The following CYP4F12 variants were observed in gnomAD, a reference collection of about 807,000 sequenced individuals.
The protein encoded by CYP4F12 is cytochrome P450 family 4 subfamily F member 12, also known as cytochrome P450 4F12.
CYP4F12 carries 60 observed loss-of-function variants against 56.5 expected under a neutral mutation model. The ratio of observed to expected loss-of-function variants is 1.06; its 90% CI spans 0.86 to 1.32. CYP4F12 has a LOEUF of 1.32. CYP4F12 is among the 40% of genes most tolerant of loss of function. The pLI is 0.00. For synonymous variants in CYP4F12, 263 were observed against 264.9 expected, an observed-to-expected ratio of 0.99 and a Z score of 0.07; for missense variants, 711 against 683.5, an observed-to-expected ratio of 1.04 and a Z score of -0.45.
At chr19:15,693,536 G>GTTGT (rs57298475) in intron 9 of CYP4F12, among the ~76,000 whole-genome samples, 138,090 of 147,276 alleles carry the variant, frequency 0.94, 64,854 homozygotes, top group East Asian at 1. Flanking sequence ...TTTTGATGGA[G>GTTGT]TTGTTTTTTT....
At chr19:15,690,655 T>C (rs1399649181) in intron 9 of CYP4F12, among the ~76,000 whole-genome samples, 1 of 152,190 alleles carries the variant, frequency 6.6e-6, no homozygotes, top group Non-Finnish European at 1.5e-5. Context: ...ATGAAAGAAT[T>C]TTCTTCTGTT....
At chr19:15,692,868 G>A (rs2007935703) in intron 9 of CYP4F12, among the ~76,000 whole-genome samples, 2 of 151,932 alleles carry the variant, frequency 1.3e-5, no homozygotes, top group Admixed American at 1.3e-4. Context: ...GAGATCAGGA[G>A]TTCAAGACCA....
Position 15,678,293 on chromosome 19 carries a change from G to A in CYP4F12, c.231G>A (p.Ser77=), listed in dbSNP as rs372064722. ...CTACAGAGGAGGGCTTGAAGAACTC[G>A]ACCCAGATGTCGGCCACCTATTCCC... ...ITPTEEGLKN[S]TQMSATYSQG... Residue 77 remains serine, a synonymous_variant, in exon 3 of 13, where the codon TCG becomes TCA. Coordinates refer to ENST00000550308, the MANE Select transcript of CYP4F12 (RefSeq NM_023944.4). The A allele has an allele frequency of 1.7e-4, 274 of 1,614,048 alleles. 1 individual carries two copies. Among genetic ancestry groups the A allele is most frequent in the African/African-American group, 1.5e-4 (11 of 74,928 alleles).
chr19:15,674,812 T>C (rs10410157), intron 2 of CYP4F12, among the ~76,000 whole-genome samples: 141,025 of 152,098 alleles, frequency 0.93, 65,440 homozygotes, highest in East Asian at 1. Context: ...TGGATCCTTT[T>C]CCTGCCTGTC....
At chr19:15,683,096 G>A (rs957542729) in intron 6 of CYP4F12, among the ~76,000 whole-genome samples, 1 of 151,982 alleles carries the variant, frequency 6.6e-6, no homozygotes, top group Non-Finnish European at 1.5e-5. Flanking sequence ...GAGAGACAGA[G>A]AGAGAGAGAG....
Position 15,695,947 on chromosome 19 carries a change from C to T in CYP4F12, c.1127C>T (p.Ala376Val). 6.2e-7 allele frequency: 1 copy of T among 1,613,052 alleles called. No homozygotes were observed. The highest frequency in any genetic ancestry group is 8.5e-7 in the Non-Finnish European group (1 of 1,179,654). The change falls in exon 10 of 13, where the codon GCC (alanine) becomes GTC (valine). Residue 376 changes from alanine to valine, a missense_variant. Coordinates refer to ENST00000550308, the MANE Select transcript of CYP4F12 (RefSeq NM_023944.4). ...DPKEIEWDDL[A>V]QLPFLTMCVK... ...GGGTGTTTCCTTAGGGACGACCTGG[C>T]CCAGCTGCCCTTCCTGACCATGTGC...
chr19:15,681,533 A>T (rs1343750586), intron 5 of CYP4F12: 3 of 152,200 alleles, frequency 2.0e-5, no homozygotes, highest in African/African-American at 7.2e-5. Flanking sequence ...CCTAAATTCC[A>T]TGGGGGTGAC....
Position 15,677,572 on chromosome 19 carries a change from C to A in CYP4F12, c.199-689C>A, listed in dbSNP as rs1225736777. On this transcript the variant is annotated intron_variant, in intron 2 of 12. Coordinates refer to ENST00000550308, the MANE Select transcript of CYP4F12 (RefSeq NM_023944.4). ...CCTCTCCTCACTCACTCGTTCCTCT[C>A]CTCACTCGCTCATTCCTCTCCTCAC... 4.2e-4 allele frequency among the ~76,000 whole-genome samples: 7 copies of A among 16,846 alleles called. 3 individuals carry two copies. The highest frequency in any genetic ancestry group is 8.9e-4 in the Non-Finnish European group (7 of 7,898). 11.1% of individuals were successfully genotyped at this position (16,846 alleles called of 152,430 possible).
At chr19:15,690,108 GAAGTA>G (rs1244847322) in intron 9 of CYP4F12, among the ~76,000 whole-genome samples, 1 of 152,150 alleles carries the variant, frequency 6.6e-6, no homozygotes, top group Non-Finnish European at 1.5e-5. Flanking sequence ...GAAATAAAAG[GAAGTA>G]AAGAAGAGAC....
intron 3 of CYP4F12, among the ~76,000 whole-genome samples, chr19:15,679,476 AGCC>A (rs56085710): frequency 0.9 from 137,557 of 152,018 alleles, 62,191 homozygotes; most frequent in East Asian, 1. Context: ...TCCCATAAAT[AGCC>A]GCCTATAGTT....
At chr19:15,684,909 T>C in intron 8 of CYP4F12, 27 bp downstream of exon 8, 1 of 1,585,870 alleles carries the variant, frequency 6.3e-7, no homozygotes, top group Non-Finnish European at 8.6e-7. Flanking sequence ...GGGACTACAG[T>C]GGAGACAGAG....
intron 5 of CYP4F12, chr19:15,682,150 T>TAG (rs893543386): frequency 2.7e-5 from 11 of 400,734 alleles, no homozygotes; most frequent in African/African-American, 2.2e-4. Context: ...CAAGGGCACA[T>TAG]AGAGCATAGG....
chr19:15,677,597 C>T (rs1221063555), intron 2 of CYP4F12, among the ~76,000 whole-genome samples: 2 of 64,382 alleles, frequency 3.1e-5, no homozygotes, highest in South Asian at 8.1e-4. Context: ...CCTCTCCTCA[C>T]TCACTCGTTC....
chr19:15,680,378 G>A lies in CYP4F12; in HGVS notation c.398-14G>A, dbSNP rs187651397. On this transcript the variant is annotated splice_polypyrimidine_tract_variant and intron_variant, in intron 4 of 12. Coordinates refer to ENST00000550308, the MANE Select transcript of CYP4F12 (RefSeq NM_023944.4). ...AGTGCTGCTCTTGCCCACTGTCCTTGGCTGCCCTACTAGGAGAAGGGATAC... is the reference window on the plus strand; with the variant it reads ...AGTGCTGCTCTTGCCCACTGTCCTTAGCTGCCCTACTAGGAGAAGGGATAC... 3,943 of 1,613,072 alleles carry A rather than the reference G, an allele frequency of 2.4e-3. No individual in the cohort carries two copies. The African/African-American group carries it at 0.047, about 19-fold the overall frequency.
In CYP4F12 at chr19:15,673,632, C is replaced by A; in HGVS notation, c.103C>A (p.Leu35Met). The change falls in exon 2 of 13, where the codon CTG becomes ATG. Residue 35 changes from leucine (L) to methionine (M), a missense_variant. By Grantham distance (15) the Leu-to-Met change is conservative. Transcript: ENST00000550308. ...GGGCTCCTGGCTACTCGCCCGCATCCTGGCTTGGACCTATGCCTTCTATAA... is the reference window on the plus strand; with the variant it reads ...GGGCTCCTGGCTACTCGCCCGCATCATGGCTTGGACCTATGCCTTCTATAA... ...VVGSWLLARI[L>M]AWTYAFYNNC... 6.2e-7 allele frequency: 1 copy of A among 1,614,204 alleles called. No homozygotes were observed. Among genetic ancestry groups the A allele is most frequent in the African/African-American group, 1.3e-5 (1 of 75,060 alleles).
intron 2 of CYP4F12, among the ~76,000 whole-genome samples, chr19:15,676,110 TC>T (rs2006906774): frequency 6.6e-6 from 1 of 152,124 alleles, no homozygotes; most frequent in Non-Finnish European, 1.5e-5. Flanking sequence ...AGCAAGTTCT[TC>T]CTTTCCTCTG....
intron 3 of CYP4F12, 57 bp from the exon 4 acceptor site, chr19:15,680,186 TA>T: frequency 6.5e-7 from 1 of 1,549,770 alleles, no homozygotes; most frequent in South Asian, 1.3e-5. Context: ...CCTTGCCCTA[TA>T]CCTGAAGTTC....
Position 15,683,649 on chromosome 19 carries a change from C to A in CYP4F12, c.804C>A (p.Asp268Glu), listed in dbSNP as rs375796705. The change falls in exon 7 of 13, where the codon GAC (aspartate) becomes GAA (glutamate). Residue 268 changes from aspartate (D) to glutamate (E), a missense_variant. By Grantham distance (45) the Asp-to-Glu change is conservative (BLOSUM62 2). Coordinates refer to ENST00000550308, the MANE Select transcript of CYP4F12 (RefSeq NM_023944.4). ...GCCGCCTGGTGCATGACTTCACAGA[C>A]GCTGTCATCCGGGAGCGGCGTCGCA... is the stretch of plus-strand genomic sequence containing the variant. Reference protein sequence around the residue: ...RACRLVHDFTDAVIRERRRTL... With the variant: ...RACRLVHDFTEAVIRERRRTL... The A allele has an allele frequency of 6.2e-7, 1 of 1,613,874 alleles. No individual in the cohort carries two copies.
In CYP4F12 at chr19:15,685,209, T is replaced by A. The variant is rs1286582024; in HGVS notation, c.1115+12T>A. The A allele has an allele frequency of 6.2e-7, 1 of 1,613,142 alleles. No homozygotes were observed. Among genetic ancestry groups the A allele is most frequent in the Non-Finnish European group, 8.5e-7 (1 of 1,179,426 alleles). ...AAAGAGATTGAATGGTGAGTGCAAG[T>A]TCTTCTGGCCTGTTCCTGAGCCCAT... On this transcript the variant is annotated intron_variant, in intron 9 of 12. Coordinates refer to ENST00000550308, the MANE Select transcript of CYP4F12 (RefSeq NM_023944.4).
Sources: gnomAD v4.1 joint callset for allele counts (sites outside exome capture counted in the v4.1 genomes callset) on GRCh38, gnomAD v4.1.1 for gene constraint, MANE v1.5 for transcripts, NCBI Gene and HGNC (gene_info 2026-07-23, HGNC 2026-07-21) for gene names.